Variants in LSM7 observed in about 807,000 individuals in gnomAD.
LSM7 encodes the protein LSM7 homolog, U6 small nuclear RNA and mRNA degradation associated.
LSM7 carries 13 observed loss-of-function variants against 14.1 expected under a neutral mutation model. The ratio of observed to expected loss-of-function variants is 0.92; its 90% CI spans 0.60 to 1.47. The LOEUF is 1.47. LSM7 is among the 40% of genes most tolerant of loss of function. The pLI is 0.00. For missense variants in LSM7, 108 were observed against 140.8 expected (o/e 0.77, Z 1.18); for synonymous variants, 70 against 57.1 (o/e 1.23, Z -1.02).
chr19:2,324,256 G>A, intron 2 of LSM7, 60 bp from the exon 3 acceptor site: 2 of 1,343,274 alleles, frequency 1.5e-6, no homozygotes, highest in East Asian at 2.5e-5. Context: ...TGGGCGCAGG[G>A]CCCGCCCCAG....
intron 3 of LSM7, among the ~76,000 whole-genome samples, 194 bp downstream of exon 3, chr19:2,323,931 C>T (rs981805699): frequency 6.6e-6 from 1 of 152,166 alleles, no homozygotes; most frequent in African/African-American, 2.4e-5. Flanking sequence ...GACCAGTGAG[C>T]GCTCAAGCCC....
chr19:2,327,294 C>T (rs529724557), intron 2 of LSM7, among the ~76,000 whole-genome samples: 139 of 152,232 alleles, frequency 9.1e-4, no homozygotes, highest in African/African-American at 3.0e-3. Context: ...GGAGTCTTGC[C>T]CTATCGCCAG....
At chr19:2,323,826 C>T (rs1967972356) in intron 3 of LSM7, among the ~76,000 whole-genome samples, 1 of 152,190 alleles carries the variant, frequency 6.6e-6, no homozygotes, top group African/African-American at 2.4e-5. Flanking sequence ...GTGCCGGGCG[C>T]CCCGTCAGTG....
At chr19:2,326,749 C>T (rs929941803) in intron 2 of LSM7, among the ~76,000 whole-genome samples, 3 of 152,210 alleles carry the variant, frequency 2.0e-5, no homozygotes, top group East Asian at 1.9e-4. Context: ...GGGATTAAGG[C>T]GTGAGCCCCC....
chr19:2,322,745 G>C (rs781020008), intron 3 of LSM7, among the ~76,000 whole-genome samples: 4 of 152,186 alleles, frequency 2.6e-5, no homozygotes, highest in Non-Finnish European at 5.9e-5. Context: ...ACCAGGTCTT[G>C]CTCTGTTGCT....
intron 3 of LSM7, among the ~76,000 whole-genome samples, chr19:2,323,575 C>T (rs377569578): frequency 3.9e-5 from 6 of 152,262 alleles, no homozygotes; most frequent in Non-Finnish European, 7.4e-5. Flanking sequence ...GTCAGCCTCC[C>T]GAGCAGCTGG....
At chr19:2,324,453 T>C in intron 2 of LSM7, 1 of 525,748 alleles carries the variant, frequency 1.9e-6, no homozygotes, top group Non-Finnish European at 3.5e-6. Context: ...TCACAGCTGC[T>C]GGCTCGGGCT....
At chr19:2,326,862 C>T (rs1389312014) in intron 2 of LSM7, among the ~76,000 whole-genome samples, 3 of 152,208 alleles carry the variant, frequency 2.0e-5, no homozygotes, top group Admixed American at 2.0e-4. Flanking sequence ...AGGGGCAGAC[C>T]ACCACGGTGG....
intron 3 of LSM7, among the ~76,000 whole-genome samples, chr19:2,322,772 A>C (rs1967953421): frequency 1.3e-5 from 2 of 152,132 alleles, no homozygotes; most frequent in African/African-American, 2.4e-5. Flanking sequence ...GGAGTGCAGC[A>C]GTGCAATCAC....
chr19:2,323,054 A>C (rs1390788656), intron 3 of LSM7, among the ~76,000 whole-genome samples: 1 of 152,036 alleles, frequency 6.6e-6, no homozygotes, highest in Non-Finnish European at 1.5e-5. Flanking sequence ...AATGGATCCA[A>C]GGGGCAAGAC....
intron 1 of LSM7, 25 bp downstream of exon 1, chr19:2,328,536 G>A (rs200058556): frequency 2.8e-5 from 45 of 1,604,872 alleles, no homozygotes; most frequent in Non-Finnish European, 3.4e-5. Context: ...ACGCCCCCCG[G>A]CTCCAGATTC....
Position 2,324,132 on chromosome 19 carries a change from G to A in LSM7, c.162C>T (p.Tyr54=). 6.4e-7 allele frequency: 1 copy of A among 1,567,534 alleles called. No homozygotes were observed. Among genetic ancestry groups the A allele is most frequent in the Non-Finnish European group, 8.6e-7 (1 of 1,157,452 alleles). The change falls in exon 3 of 4, where the codon TAC becomes TAT. Residue 54 remains tyrosine, a synonymous_variant. Transcript: ENST00000252622. The part of the protein sequence containing the change: ...LNLVLDGTIE[Y]MRDPDDQYKL... ...GGCCGCCACCCCACTCACCTCGCAT[G>A]TACTCAATGGTGCCGTCCAGCACAA...
intron 1 of LSM7, 22 bp downstream of exon 1, chr19:2,328,539 C>G: frequency 1.9e-6 from 3 of 1,602,222 alleles, no homozygotes; most frequent in Non-Finnish European, 1.7e-6. Flanking sequence ...CCCCCCGGCT[C>G]CAGATTCCGC....
At position 2,328,471 on chromosome 19, in the gene LSM7, C is replaced by G. The variant is rs1269801395; in HGVS notation, c.13G>C (p.Glu5Gln). Residue 5 changes from glutamate to glutamine, a missense_variant, in exon 2 of 4, where the codon GAG becomes CAG. Transcript: ENST00000252622. MADK[E>Q]KKKKESILDL... ...AAGATGCTCTCCTTTTTCTTCTTCT[C>G]CTTATCCTGCGGGGAAAGCAGAGCG... The G allele has an allele frequency of 1.2e-6, 2 of 1,613,670 alleles. No homozygotes were observed. Among genetic ancestry groups the G allele is most frequent in the Admixed American group, 1.7e-5 (1 of 59,992 alleles).
chr19:2,328,148 T>C, intron 2 of LSM7: 1 of 496,168 alleles, frequency 2.0e-6, no homozygotes, highest in Non-Finnish European at 3.6e-6. Flanking sequence ...TGGTACACAT[T>C]AATTCCAGCT....
At chr19:2,328,533 C>G (rs370024160) in intron 1 of LSM7, 28 bp downstream of exon 1, 45 of 1,606,246 alleles carry the variant, frequency 2.8e-5, no homozygotes, top group Non-Finnish European at 3.4e-5. Context: ...TCCACGCCCC[C>G]CGGCTCCAGA....
At position 2,321,604 on chromosome 19, in the gene LSM7, G is replaced by A. The variant is rs549157926; in HGVS notation, c.*76C>T. Reference sequence around the variant, plus strand: ...CTTCCGTTCCAGGAGGCGGTACTGCGGTGGGAGCAGCAGCCAAGTCCGCGG... The same window carrying A: ...CTTCCGTTCCAGGAGGCGGTACTGCAGTGGGAGCAGCAGCCAAGTCCGCGG... On this transcript the variant is annotated 3_prime_UTR_variant, in exon 4 of 4. Transcript: ENST00000252622. The surrounding 1 kb of genome is among the most constrained non-coding windows in gnomAD (Gnocchi z 5.0). 343 of 1,297,754 alleles carry A rather than the reference G, an allele frequency of 2.6e-4. 1 individual carries two copies. Among genetic ancestry groups the A allele is most frequent in the South Asian group, 7.9e-4 (39 of 49,202 alleles). 80.4% of individuals were successfully genotyped at this position (1,297,754 alleles called of 1,614,324 possible). A position where few individuals can be genotyped will look rare whatever the true frequency, so the allele number is the denominator to read the frequency against.
chr19:2,322,805 G>A (rs747933993), intron 3 of LSM7, among the ~76,000 whole-genome samples: 2 of 152,100 alleles, frequency 1.3e-5, no homozygotes, highest in African/African-American at 2.4e-5. Context: ...CAACCTCCTG[G>A]GCTCAAACAA....
At chr19:2,322,475 A>G (rs1967949397) in intron 3 of LSM7, among the ~76,000 whole-genome samples, 1 of 152,146 alleles carries the variant, frequency 6.6e-6, no homozygotes, top group African/African-American at 2.4e-5. Context: ...CAGGAGGCGG[A>G]GCTTGCAGTG....
Sources: gnomAD v4.1 joint callset for allele counts (sites outside exome capture counted in the v4.1 genomes callset) on GRCh38, gnomAD v4.1.1 for gene constraint, Gnocchi (gnomAD v3.1) non-coding constraint, MANE v1.5 for transcripts, NCBI Gene and HGNC (gene_info 2026-07-23, HGNC 2026-07-21) for gene names.